METAP1D: variants seen among roughly 807,000 people sequenced by gnomAD.
The protein encoded by METAP1D is methionine aminopeptidase 1D, mitochondrial.
METAP1D carries 31 observed loss-of-function variants against 40.5 expected under a neutral mutation model. The ratio of observed to expected loss-of-function variants is 0.77; its 90% CI spans 0.58 to 1.03. The LOEUF is 1.03. Among genes scored for constraint, METAP1D ranks in the 50% least tolerant of loss-of-function variants. The pLI is 0.00. For missense variants in METAP1D, 411 were observed against 420.7 expected (o/e 0.98, Z 0.20); for synonymous variants, 151 against 146.4 (o/e 1.03, Z -0.22).
chr2:172,059,490 C>T (rs1292786220), intron 1 of METAP1D, among the ~76,000 whole-genome samples: 1 of 152,168 alleles, frequency 6.6e-6, no homozygotes, highest in African/African-American at 2.4e-5. Context: ...AACTACTCAG[C>T]TACCACTGTA....
At chr2:172,059,232 C>T (rs757827605) in intron 1 of METAP1D, among the ~76,000 whole-genome samples, 1 of 151,976 alleles carries the variant, frequency 6.6e-6, no homozygotes, top group African/African-American at 2.4e-5. Flanking sequence ...CCTTAGCCTC[C>T]CGAGTAGCTG....
At position 172,080,895 on chromosome 2, in the gene METAP1D, A is replaced by G. The variant is rs1003460286; in HGVS notation, c.*489A>G. ...TCCGTTTCTCCCTTTTGTGTATTCC[A>G]TATTGGCCGGCCCCAAGGATGCTCG... On this transcript the variant is annotated 3_prime_UTR_variant, in exon 10 of 10. Coordinates refer to ENST00000315796, the MANE Select transcript of METAP1D (RefSeq NM_199227.3). 30 of 175,648 alleles carry G rather than the reference A, an allele frequency of 1.7e-4. No individual in the cohort carries two copies. The highest frequency in any genetic ancestry group is 2.9e-3 in the Middle Eastern group (1 of 350). The allele number at this position is 175,648 out of a possible 1,614,324, so 10.9% of individuals were successfully genotyped here. A position where few individuals can be genotyped will look rare whatever the true frequency, so the allele number is the denominator to read the frequency against.
intron 1 of METAP1D, among the ~76,000 whole-genome samples, chr2:172,036,840 C>T (rs990056627): frequency 6.6e-6 from 1 of 152,184 alleles, no homozygotes; most frequent in Non-Finnish European, 1.5e-5. Context: ...ATCTTGTTTT[C>T]CCACATCTTC....
chr2:172,005,300 A>G (rs773999624), intron 1 of METAP1D, among the ~76,000 whole-genome samples: 8 of 151,642 alleles, frequency 5.3e-5, no homozygotes, highest in Non-Finnish European at 1.0e-4. Context: ...GTTTTCTTTT[A>G]TCCTTCACCC....
At chr2:172,059,774 A>G (rs1271785695) in intron 1 of METAP1D, among the ~76,000 whole-genome samples, 1 of 152,244 alleles carries the variant, frequency 6.6e-6, no homozygotes, top group African/African-American at 2.4e-5. Flanking sequence ...TGTTCTGGCC[A>G]GGCGCGGTGG....
At chr2:172,007,066 T>G (rs1251809827) in intron 1 of METAP1D, among the ~76,000 whole-genome samples, 4 of 152,152 alleles carry the variant, frequency 2.6e-5, no homozygotes, top group African/African-American at 9.6e-5. Context: ...ATCTGTTAAT[T>G]TTATTATTGG....
intron 1 of METAP1D, among the ~76,000 whole-genome samples, chr2:172,000,429 T>C (rs1688431740): frequency 6.6e-6 from 1 of 151,708 alleles, no homozygotes. Context: ...TTTTGGGGAC[T>C]TGCAAAATGT....
chr2:172,074,757 A>T (rs533432382), intron 6 of METAP1D, among the ~76,000 whole-genome samples: 1 of 152,346 alleles, frequency 6.6e-6, no homozygotes, highest in East Asian at 1.9e-4. Flanking sequence ...ATCTAGAAAG[A>T]GTAAAGAAAA....
In METAP1D at chr2:172,055,444, G is replaced by A. The variant is rs547421093; in HGVS notation, c.41-6054G>A. ...GACCCTGAATATAATAGAGACTGGG[G>A]ATTTTAATTTTGCTCACTCTGCATT... On this transcript the variant is annotated intron_variant, in intron 1 of 9. Transcript: ENST00000315796. Among the ~76,000 whole-genome samples, 5 of 152,260 alleles carry A rather than the reference G, an allele frequency of 3.3e-5. No individual in the cohort carries two copies. The South Asian group carries it at 6.2e-4, about 19-fold the overall frequency.
chr2:172,011,262 A>G (rs1489508355), intron 1 of METAP1D, among the ~76,000 whole-genome samples: 2 of 151,060 alleles, frequency 1.3e-5, no homozygotes, highest in Non-Finnish European at 2.9e-5. Context: ...CTCATCCTTA[A>G]GCAACCACTA....
intron 1 of METAP1D, among the ~76,000 whole-genome samples, chr2:172,031,228 C>T (rs905615448): frequency 6.6e-6 from 1 of 152,066 alleles, no homozygotes; most frequent in African/African-American, 2.4e-5. Context: ...CTCATAAAGG[C>T]TTAGTTTAAT....
intron 1 of METAP1D, 117 bp downstream of exon 1, chr2:172,000,126 T>G (rs980350914): frequency 6.4e-6 from 6 of 930,514 alleles, no homozygotes; most frequent in Non-Finnish European, 8.6e-6. Flanking sequence ...GACTGTACTT[T>G]CAGTGTTTAC....
intron 1 of METAP1D, among the ~76,000 whole-genome samples, chr2:172,039,677 T>G (rs1180884036): frequency 1.8e-5 from 1 of 54,592 alleles, no homozygotes; most frequent in Non-Finnish European, 3.2e-5. Flanking sequence ...CTTTTTTTTG[T>G]TTTTTTTTGA....
At chr2:172,045,595 A>AGGTTGC (rs1206594178) in intron 1 of METAP1D, among the ~76,000 whole-genome samples, 1 of 127,324 alleles carries the variant, frequency 7.9e-6, no homozygotes, top group Non-Finnish European at 1.6e-5. Context: ...TGGGAGGTGG[A>AGGTTGC]GGTTGCGGTG....
rs142131751 is a variant in METAP1D, at chr2:172,027,945, G to A, written c.40+27936G>A. 2.4e-3 allele frequency among the ~76,000 whole-genome samples: 372 copies of A among 152,298 alleles called. 3 individuals carry two copies. The highest frequency in any genetic ancestry group is 0.014 in the Middle Eastern group (4 of 294). On this transcript the variant is annotated intron_variant, in intron 1 of 9. Coordinates refer to ENST00000315796, the MANE Select transcript of METAP1D (RefSeq NM_199227.3). ...GACTGAAGAGACCTAAAGAAAGGGA[G>A]GGCCAGATCCCTCAGCTGCAAGTCT...
intron 5 of METAP1D, among the ~76,000 whole-genome samples, chr2:172,068,074 A>G (rs1690328551): frequency 1.3e-5 from 2 of 152,200 alleles, no homozygotes; most frequent in Non-Finnish European, 2.9e-5. Context: ...GTAGTTGCTC[A>G]ATAAATATTT....
intron 1 of METAP1D, among the ~76,000 whole-genome samples, chr2:172,002,837 C>T (rs1391568917): frequency 6.6e-6 from 1 of 152,142 alleles, no homozygotes; most frequent in African/African-American, 2.4e-5. Context: ...TTATGAGCAT[C>T]ATTTCTTCTT....
chr2:172,070,213 T>A (rs190901194), intron 5 of METAP1D, among the ~76,000 whole-genome samples: 88 of 152,326 alleles, frequency 5.8e-4, no homozygotes, highest in Non-Finnish European at 9.3e-4. Context: ...ATACTTTCTG[T>A]AATTGTGCTT....
In METAP1D at chr2:172,081,531, C is replaced by T. The variant is rs1213670442; in HGVS notation, c.*1125C>T. ...GGCCCACGCTCTGTCTGCCAAGGGC[C>T]ATTCCTGCCCGGAGCACCCTCCTTT... On this transcript the variant is annotated 3_prime_UTR_variant, in exon 10 of 10. Coordinates refer to ENST00000315796, the MANE Select transcript of METAP1D (RefSeq NM_199227.3). 3 of 152,272 alleles carry T rather than the reference C, an allele frequency of 2.0e-5. No individual in the cohort carries two copies. The highest frequency in any genetic ancestry group is 2.9e-5 in the Non-Finnish European group (2 of 68,078). The allele number at this position is 152,272 out of a possible 1,614,324, so 9.4% of individuals were successfully genotyped here.
Sources: gnomAD v4.1 joint callset for allele counts (sites outside exome capture counted in the v4.1 genomes callset) on GRCh38, gnomAD v4.1.1 for gene constraint, MANE v1.5 for transcripts, NCBI Gene and HGNC (gene_info 2026-07-23, HGNC 2026-07-21) for gene names.